Variants in SULF2 observed in about 807,000 individuals in gnomAD.
SULF2 encodes sulfatase 2.
SULF2 carries 52 observed loss-of-function variants against 107.7 expected under a neutral mutation model. That is an observed-to-expected ratio of 0.48 (90% confidence interval 0.39 to 0.61). The LOEUF is 0.61. Ranked by LOEUF, SULF2 falls within the 20% of genes least tolerant of loss-of-function variation. The pLI is 0.00. For synonymous variants in SULF2, 460 were observed against 464.3 expected (o/e 0.99, Z 0.12); for missense variants, 993 against 1,177.3 (o/e 0.84, Z 2.29).
chr20:47,707,472 G>C lies in SULF2; in HGVS notation c.416-4802C>G, dbSNP rs149411862. ...CACTCACTGGGAGGTTGCCTCGAGA[G>C]ACAATGGTCCACTACAACCCAAAGT... On this transcript the variant is annotated intron_variant, in intron 3 of 20. Coordinates refer to ENST00000688720, the MANE Select transcript of SULF2 (RefSeq NM_001387048.1). Among the ~76,000 whole-genome samples, 172 of 152,294 alleles carry C rather than the reference G, an allele frequency of 1.1e-3. 2 individuals are homozygous for C. The East Asian group carries it at 0.029, about 25-fold the overall frequency.
At chr20:47,677,562 G>A (rs2087692081) in intron 8 of SULF2, among the ~76,000 whole-genome samples, 1 of 152,156 alleles carries the variant, frequency 6.6e-6, no homozygotes, top group African/African-American at 2.4e-5. Context: ...CTTGAGCTCT[G>A]TCTTGAGCTC....
intron 1 of SULF2, among the ~76,000 whole-genome samples, chr20:47,779,611 T>A (rs929453396): frequency 3.3e-5 from 5 of 152,164 alleles, no homozygotes; most frequent in African/African-American, 7.2e-5. Flanking sequence ...CATTTTATTT[T>A]TTAATTTATT....
At chr20:47,683,201 G>A in intron 6 of SULF2, 32 bp from the exon 7 acceptor site, 1 of 1,552,794 alleles carries the variant, frequency 6.4e-7, no homozygotes, top group Non-Finnish European at 8.8e-7. Context: ...AAGGGACAGT[G>A]GGGACTGGGT....
intron 6 of SULF2, 78 bp downstream of exon 6, chr20:47,684,353 A>C (rs2087925240): frequency 7.0e-7 from 1 of 1,431,194 alleles, no homozygotes; most frequent in Non-Finnish European, 9.3e-7. Flanking sequence ...AAAACCCTGA[A>C]GGGCCAGGAG....
chr20:47,663,565 C>G lies in SULF2; in HGVS notation c.2115G>C (p.Lys705Asn), dbSNP rs777352340. 3 of 1,611,264 alleles carry G rather than the reference C, an allele frequency of 1.9e-6. No individual in the cohort carries two copies. Among genetic ancestry groups the G allele is most frequent in the Admixed American group, 1.7e-5 (1 of 59,782 alleles). The change falls in exon 16 of 21, where the codon AAG (lysine) becomes AAC (asparagine). Residue 705 changes from lysine to asparagine, a missense_variant. By Grantham distance (94) the Lys-to-Asn change is moderately conservative. Coordinates refer to ENST00000688720, the MANE Select transcript of SULF2 (RefSeq NM_001387048.1). Reference sequence around the variant, plus strand: ...GGCGCTTGAGCAGCTTGCGGAGTTTCTTCTTGCGCTTCTGCTCCCGCAACA... The same window carrying G: ...GGCGCTTGAGCAGCTTGCGGAGTTTGTTCTTGCGCTTCTGCTCCCGCAACA... ...VWLLREQKRK[K>N]KLRKLLKRLQ...
chr20:47,684,064 G>A (rs2087916037), intron 6 of SULF2, among the ~76,000 whole-genome samples: 2 of 152,326 alleles, frequency 1.3e-5, no homozygotes, highest in Admixed American at 1.3e-4. Flanking sequence ...TAACATGGAT[G>A]TGGTGATGGT....
intron 3 of SULF2, among the ~76,000 whole-genome samples, chr20:47,730,813 C>T (rs1166982884): frequency 6.6e-6 from 1 of 152,122 alleles, no homozygotes; most frequent in Non-Finnish European, 1.5e-5. Flanking sequence ...GTGATCGGCA[C>T]TCCAGTATGC....
In SULF2 at chr20:47,759,855, G is replaced by T. The variant is rs541753795; in HGVS notation, c.-100-2392C>A. Among the ~76,000 whole-genome samples the T allele has an allele frequency of 4.6e-5, 7 of 152,342 alleles. No homozygotes were observed. In the South Asian group the frequency reaches 1.5e-3, roughly 32 times the overall value. ...TTTTATAACCGGTTTTATTTCTCTT[G>T]TAATCACTACTGCAGCCTGCAATTT... On this transcript the variant is annotated intron_variant, in intron 1 of 20. Transcript: ENST00000688720.
intron 4 of SULF2, among the ~76,000 whole-genome samples, chr20:47,702,109 G>C (rs2088589540): frequency 6.6e-6 from 1 of 152,178 alleles, no homozygotes; most frequent in Non-Finnish European, 1.5e-5. Flanking sequence ...CTAGGCCGAA[G>C]AGCAGTGGGA....
chr20:47,729,834 G>T (rs1246800305), intron 3 of SULF2, among the ~76,000 whole-genome samples: 1 of 152,120 alleles, frequency 6.6e-6, no homozygotes, highest in Non-Finnish European at 1.5e-5. Flanking sequence ...GAGGGGCATT[G>T]GGCCACTTTA....
intron 4 of SULF2, among the ~76,000 whole-genome samples, chr20:47,690,850 C>G (rs2088173467): frequency 8.6e-6 from 1 of 116,358 alleles, no homozygotes; most frequent in Non-Finnish European, 1.7e-5. Context: ...GCCTGGGTGA[C>G]AAAGCAAGAC....
At chr20:47,716,463 C>A (rs2089125579) in intron 3 of SULF2, among the ~76,000 whole-genome samples, 1 of 152,078 alleles carries the variant, frequency 6.6e-6, no homozygotes, top group Non-Finnish European at 1.5e-5. Flanking sequence ...TGAGATTGCA[C>A]CACTGCACTC....
intron 3 of SULF2, among the ~76,000 whole-genome samples, chr20:47,711,762 C>T (rs4810663): frequency 0.16 from 24,891 of 152,186 alleles, 2,210 homozygotes; most frequent in Non-Finnish European, 0.2. Flanking sequence ...AACACATCTA[C>T]GCACCTGCAT....
intron 9 of SULF2, 34 bp from the exon 10 acceptor site, chr20:47,676,657 CCT>C: frequency 1.9e-6 from 3 of 1,546,792 alleles, no homozygotes; most frequent in Non-Finnish European, 2.6e-6. Context: ...GCGGGGCCGG[CCT>C]CTCAGCTCTG....
At position 47,757,451 on chromosome 20, in the gene SULF2, T is replaced by A. The variant is rs2090321544; in HGVS notation, c.-88A>T. Reference sequence around the variant, plus strand: ...CTTTGTTTCTTTTCCCTCGTCCCTCTTCACTCGCAGATCTAGAGGAGGAGG... The same window carrying A: ...CTTTGTTTCTTTTCCCTCGTCCCTCATCACTCGCAGATCTAGAGGAGGAGG... On this transcript the variant is annotated 5_prime_UTR_variant, in exon 2 of 21. It adds an upstream start codon to the 5' untranslated region. Coordinates refer to ENST00000688720, the MANE Select transcript of SULF2 (RefSeq NM_001387048.1). The A allele has an allele frequency of 7.1e-7, 1 of 1,411,518 alleles. No individual in the cohort carries two copies. Among genetic ancestry groups the A allele is most frequent in the African/African-American group, 1.4e-5 (1 of 69,284 alleles). The allele number at this position is 1,411,518 out of a possible 1,614,324, so 87.4% of individuals were successfully genotyped here.
chr20:47,737,755 G>GTTT (rs11484375), intron 2 of SULF2, among the ~76,000 whole-genome samples: 1,790 of 61,610 alleles, frequency 0.029, 203 homozygotes, highest in African/African-American at 0.064. Flanking sequence ...TCTTTTCTTT[G>GTTT]TTTTTTTTTT....
chr20:47,735,232 C>T (rs779368310), intron 3 of SULF2, among the ~76,000 whole-genome samples: 3 of 152,068 alleles, frequency 2.0e-5, no homozygotes, highest in African/African-American at 2.4e-5. Context: ...GCATCCAAAA[C>T]GAAAGGTTTC....
intron 3 of SULF2, among the ~76,000 whole-genome samples, chr20:47,725,201 GA>G (rs1463680674): frequency 6.6e-6 from 1 of 152,166 alleles, no homozygotes; most frequent in African/African-American, 2.4e-5. Flanking sequence ...GGGACTTTCA[GA>G]AATAAGGAAT....
At chr20:47,696,228 T>C (rs1289455902) in intron 4 of SULF2, among the ~76,000 whole-genome samples, 1 of 152,222 alleles carries the variant, frequency 6.6e-6, no homozygotes, top group East Asian at 1.9e-4. Flanking sequence ...CAGACTATGA[T>C]GAGAAATGCA....
Sources: allele counts gnomAD v4.1 joint callset (sites outside exome capture counted in the v4.1 genomes callset), GRCh38; gene constraint gnomAD v4.1.1; transcripts MANE v1.5; gene names NCBI Gene and HGNC (gene_info 2026-07-23, HGNC 2026-07-21).